NCKAP1: variants seen among roughly 807,000 people sequenced by gnomAD.
NCKAP1 encodes the protein nck-associated protein 1.
In NCKAP1, 21 loss-of-function variants were observed where a neutral mutation model predicts 151.2. The observed-to-expected ratio is 0.14, with a 90% CI of 0.10 to 0.20. The LOEUF is 0.20. NCKAP1 is among the 10% of genes least tolerant of loss of function. NCKAP1 has a pLI of 1.00. For missense variants in NCKAP1, 933 were observed against 1,352.1 expected, an observed-to-expected ratio of 0.69 and a Z score of 4.86; for synonymous variants, 484 against 451.8, an observed-to-expected ratio of 1.07 and a Z score of -0.90.
chr2:182,977,205 G>T (rs1559090027), intron 14 of NCKAP1, among the ~76,000 whole-genome samples: 1 of 151,984 alleles, frequency 6.6e-6, no homozygotes, highest in African/African-American at 2.4e-5. Context: ...AAATACAATG[G>T]AGGCCGGGAG....
rs541886328 is a variant in NCKAP1, at chr2:182,934,436, C to T, written c.2859+316G>A. 6 of 163,906 alleles carry T rather than the reference C, an allele frequency of 3.7e-5. No individual in the cohort carries two copies. The South Asian group carries it at 1.0e-3, about 27-fold the overall frequency. 10.2% of individuals were successfully genotyped at this position (163,906 alleles called of 1,614,324 possible). ...TGCTGGGATTACAGGCGTGAGCCACCGTGCCTGGCCACCTCATCTTTCTTA... is the reference window on the plus strand; with the variant it reads ...TGCTGGGATTACAGGCGTGAGCCACTGTGCCTGGCCACCTCATCTTTCTTA... On this transcript the variant is annotated intron_variant, in intron 26 of 30. Coordinates refer to ENST00000361354, the MANE Select transcript of NCKAP1 (RefSeq NM_013436.5).
chr2:182,957,434 G>A, intron 19 of NCKAP1, 23 bp downstream of exon 19: 1 of 1,597,656 alleles, frequency 6.3e-7, no homozygotes, highest in Middle Eastern at 1.7e-4. Flanking sequence ...GAGCAAAAAG[G>A]TATAATATAA....
Position 182,964,607 on chromosome 2 carries a change from T to C in NCKAP1, c.1761+69A>G. ...TTAGCTAATTATGACTGTAAATATT[T>C]GGTTGGCTACAGGTTTGATCTAGTT... On this transcript the variant is annotated intron_variant, in intron 17 of 30. Coordinates refer to ENST00000361354, the MANE Select transcript of NCKAP1 (RefSeq NM_013436.5). 3.1e-6 allele frequency: 4 copies of C among 1,302,820 alleles called. No homozygotes were observed. In the South Asian group the frequency reaches 8.1e-5, roughly 26 times the overall value. The allele number at this position is 1,302,820 out of a possible 1,614,324, so 80.7% of individuals were successfully genotyped here. A position where few individuals can be genotyped will look rare whatever the true frequency, so the allele number is the denominator to read the frequency against.
intron 1 of NCKAP1, among the ~76,000 whole-genome samples, chr2:183,033,267 C>G (rs1027935150): frequency 1.3e-5 from 2 of 152,164 alleles, no homozygotes; most frequent in Non-Finnish European, 2.9e-5. Context: ...TAAGTCAAAC[C>G]ATCACAAGTT....
chr2:182,924,962 A>C lies in NCKAP1; in HGVS notation c.*740T>G, dbSNP rs1298506903. On this transcript the variant is annotated 3_prime_UTR_variant, in exon 31 of 31. Transcript: ENST00000361354. Reference sequence around the variant, plus strand: ...TCAAAAATTTAAAACATATATAAAAAGTGGTTAGGGACTAACATTTGTATC... The same window carrying C: ...TCAAAAATTTAAAACATATATAAAACGTGGTTAGGGACTAACATTTGTATC... 1 of 152,188 alleles carries C rather than the reference A, an allele frequency of 6.6e-6. No individual in the cohort carries two copies. Among genetic ancestry groups the C allele is most frequent in the Non-Finnish European group, 1.5e-5 (1 of 68,006 alleles). 9.4% of individuals were successfully genotyped at this position (152,188 alleles called of 1,614,324 possible). A position where few individuals can be genotyped will look rare whatever the true frequency, so the allele number is the denominator to read the frequency against.
At chr2:182,947,273 G>A (rs575171317) in intron 23 of NCKAP1, 1 of 152,300 alleles carries the variant, frequency 6.6e-6, no homozygotes, top group Admixed American at 6.5e-5. Context: ...CTGGGGAGGG[G>A]TGACTCATTT....
intron 23 of NCKAP1, among the ~76,000 whole-genome samples, chr2:182,951,961 G>A (rs989381317): frequency 2.0e-5 from 3 of 152,092 alleles, no homozygotes; most frequent in African/African-American, 7.2e-5. Flanking sequence ...TCAACTTAGA[G>A]GGCATAAGAT....
At chr2:182,993,810 T>C (rs1698215404) in intron 8 of NCKAP1, among the ~76,000 whole-genome samples, 1 of 152,126 alleles carries the variant, frequency 6.6e-6, no homozygotes, top group East Asian at 1.9e-4. Context: ...CCCCATGACA[T>C]GCAATTTACC....
chr2:182,995,805 C>T lies in NCKAP1; in HGVS notation c.637G>A (p.Val213Ile). ...GCTGAAAGATTCCTTCGAGGATATA[C>T]CATTTGAAGAGAAATTAGTGCATCT... ...LSDALISLQMVYPRRNLSADQ... is the reference protein window; with the variant it reads ...LSDALISLQMIYPRRNLSADQ... Residue 213 changes from valine to isoleucine, a missense_variant, in exon 7 of 31, where the codon GTA becomes ATA. This residue lies in a region of NCKAP1 where 607 missense variants were observed against 795.0 expected (regional missense o/e 0.76). Transcript: ENST00000361354. 2 of 1,611,888 alleles carry T rather than the reference C, an allele frequency of 1.2e-6. No individual in the cohort carries two copies. The highest frequency in any genetic ancestry group is 1.7e-6 in the Non-Finnish European group (2 of 1,178,098).
chr2:183,023,222 T>G (rs562626199), intron 2 of NCKAP1, among the ~76,000 whole-genome samples: 1 of 152,136 alleles, frequency 6.6e-6, no homozygotes, highest in Non-Finnish European at 1.5e-5. Flanking sequence ...ACTATAAAGA[T>G]ATGTAAACAT....
At chr2:182,926,938 G>A in intron 29 of NCKAP1, 33 bp from the exon 30 acceptor site, 8 of 1,419,894 alleles carry the variant, frequency 5.6e-6, no homozygotes, top group Non-Finnish European at 7.8e-6. Context: ...AAGTGAGTTT[G>A]TTAATAAAAG....
chr2:182,911,593 C>T lies in NCKAP1; in HGVS notation c.*14109G>A, dbSNP rs1696396119. ...TTCAAATGTTAAATATTTCAGTCAT[C>T]TATGAATGGCCATCATAATGATTTG... On this transcript the variant is annotated 3_prime_UTR_variant, in exon 31 of 31. Coordinates refer to ENST00000361354, the MANE Select transcript of NCKAP1 (RefSeq NM_013436.5). 6.6e-6 allele frequency: 1 copy of T among 152,168 alleles called. No individual in the cohort carries two copies. The highest frequency in any genetic ancestry group is 1.5e-5 in the Non-Finnish European group (1 of 68,032). 9.4% of individuals were successfully genotyped at this position (152,168 alleles called of 1,614,324 possible). A position where few individuals can be genotyped will look rare whatever the true frequency, so the allele number is the denominator to read the frequency against.
In NCKAP1 at chr2:182,915,745, G is replaced by A. The variant is rs1450413151; in HGVS notation, c.*9957C>T. On this transcript the variant is annotated 3_prime_UTR_variant, in exon 31 of 31. Transcript: ENST00000361354. ...GTCTCACAGCTCCTGTCTTTTCTAT[G>A]AAGTACTGACTCTAGCTAGGGGTGA... 1.3e-5 allele frequency: 2 copies of A among 152,260 alleles called. No individual in the cohort carries two copies. The highest frequency in any genetic ancestry group is 3.9e-4 in the East Asian group (2 of 5,176). 9.4% of individuals were successfully genotyped at this position (152,260 alleles called of 1,614,324 possible). A position where few individuals can be genotyped will look rare whatever the true frequency, so the allele number is the denominator to read the frequency against.
chr2:183,004,464 GA>G (rs1187830999), intron 2 of NCKAP1, among the ~76,000 whole-genome samples: 1 of 77,620 alleles, frequency 1.3e-5, no homozygotes, highest in Non-Finnish European at 2.3e-5. Flanking sequence ...TTTTAACTAC[GA>G]AAAACCTATT....
rs1457425529 is a variant in NCKAP1 at position 182,921,924 on chromosome 2, T to C, written c.*3778A>G. 1 of 152,182 alleles carries C rather than the reference T, an allele frequency of 6.6e-6. No homozygotes were observed. Among genetic ancestry groups the C allele is most frequent in the African/African-American group, 2.4e-5 (1 of 41,440 alleles). The allele number at this position is 152,182 out of a possible 1,614,324, so 9.4% of individuals were successfully genotyped here. A position where few individuals can be genotyped will look rare whatever the true frequency, so the allele number is the denominator to read the frequency against. ...CAGGACCAATTAACGAAAAACATAA[T>C]TTTTGTACTACAGAATAAAAATTTT... On this transcript the variant is annotated 3_prime_UTR_variant, in exon 31 of 31. Transcript: ENST00000361354.
chr2:182,933,237 G>T (rs1696801482), intron 26 of NCKAP1, among the ~76,000 whole-genome samples: 1 of 152,120 alleles, frequency 6.6e-6, no homozygotes, highest in African/African-American at 2.4e-5. Flanking sequence ...GAATAAATTA[G>T]AAGGTAAAAC....
chr2:183,024,826 T>C (rs1415651132), intron 1 of NCKAP1: 1 of 680,752 alleles, frequency 1.5e-6, no homozygotes, highest in East Asian at 2.9e-5. Flanking sequence ...TACATCTGTC[T>C]GCCATGTGTG....
rs1247613919 is a variant in NCKAP1, at chr2:182,941,316, A to ACAATATACCTCCCACAAAGAAT, written c.2695+732_2695+753dup. Among the ~76,000 whole-genome samples the ACAATATACCTCCCACAAAGAAT allele has an allele frequency of 2.0e-5, 3 of 152,206 alleles. No homozygotes were observed. In the East Asian group the frequency reaches 5.8e-4, roughly 29 times the overall value. On this transcript the variant is annotated intron_variant, in intron 24 of 30. Coordinates refer to ENST00000361354, the MANE Select transcript of NCKAP1 (RefSeq NM_013436.5). ...AATACTTAAGATTCACTGTGATTTC[A>ACAATATACCTCCCACAAAGAAT]CAATATACCTCCCACAAAGAATCAA...
In NCKAP1 at chr2:182,921,890, C is replaced by T. The variant is rs1433009338; in HGVS notation, c.*3812G>A. 1 of 152,168 alleles carries T rather than the reference C, an allele frequency of 6.6e-6. No homozygotes were observed. Among genetic ancestry groups the T allele is most frequent in the East Asian group, 1.9e-4 (1 of 5,198 alleles). 9.4% of individuals were successfully genotyped at this position (152,168 alleles called of 1,614,324 possible). On this transcript the variant is annotated 3_prime_UTR_variant, in exon 31 of 31. Transcript: ENST00000361354. ...GAGTCAATAAATATTAAATTTCCTT[C>T]CAATTCCACAGGACCAATTAACGAA...
Sources: gnomAD v4.1 joint callset for allele counts (sites outside exome capture counted in the v4.1 genomes callset) on GRCh38, gnomAD v4.1.1 for gene constraint, gnomAD v4.1.1 regional missense constraint, MANE v1.5 for transcripts, NCBI Gene and HGNC (gene_info 2026-07-23, HGNC 2026-07-21) for gene names.